UBE2O: variants seen among roughly 807,000 people sequenced by gnomAD.
UBE2O encodes ubiquitin conjugating enzyme E2 O, also known as (E3-independent) E2 ubiquitin-conjugating enzyme.
In UBE2O, 15 loss-of-function variants were observed where a neutral mutation model predicts 125.8. The ratio of observed to expected loss-of-function variants is 0.12; its 90% confidence interval spans 0.08 to 0.18. UBE2O has a LOEUF of 0.18. Ranked by LOEUF, UBE2O falls within the 10% of genes least tolerant of loss-of-function variation. The pLI is 1.00. For synonymous variants in UBE2O, 708 were observed against 703.2 expected, an observed-to-expected ratio of 1.01 and a Z score of -0.11; for missense variants, 1,280 against 1,723.6, an observed-to-expected ratio of 0.74 and a Z score of 4.56.
chr17:76,392,244 G>A, intron 15 of UBE2O, 131 bp from the exon 16 acceptor site: 1 of 556,576 alleles, frequency 1.8e-6, no homozygotes, highest in Non-Finnish European at 3.0e-6. Flanking sequence ...GCAGCACCTG[G>A]GACTCCAGAT....
At position 76,390,771 on chromosome 17, in the gene UBE2O, A is replaced by T. The variant is rs2072093864; in HGVS notation, c.*172T>A. 3.5e-6 allele frequency: 2 copies of T among 571,184 alleles called. No homozygotes were observed. The highest frequency in any genetic ancestry group is 5.7e-6 in the Non-Finnish European group (2 of 347,914). The allele number at this position is 571,184 out of a possible 1,614,324, so 35.4% of individuals were successfully genotyped here. On this transcript the variant is annotated 3_prime_UTR_variant, in exon 18 of 18. Transcript: ENST00000319380. ...AAGCTCGCTTCAAAATAGAAACGGC[A>T]GCATCTCAACACACTTCTTGCACTT...
Position 76,453,005 on chromosome 17 carries a change from G to C in UBE2O, c.137C>G (p.Pro46Arg). 3 of 1,478,468 alleles carry C rather than the reference G, an allele frequency of 2.0e-6. No homozygotes were observed. Among genetic ancestry groups the C allele is most frequent in the Non-Finnish European group, 1.8e-6 (2 of 1,114,374 alleles). 91.6% of individuals were successfully genotyped at this position (1,478,468 alleles called of 1,614,324 possible). A position where few individuals can be genotyped will look rare whatever the true frequency, so the allele number is the denominator to read the frequency against. The change falls in exon 1 of 18, where the codon CCG becomes CGG. Residue 46 changes from proline to arginine, a missense_variant. Around this residue, in one of 10 missense-constraint regions of UBE2O, gnomAD observed 188 missense variants for 192.5 expected, o/e 0.98. Transcript: ENST00000319380. Reference protein sequence around the residue: ...PAPASDSASGPSSDSGPEAGS... With the variant: ...PAPASDSASGRSSDSGPEAGS... ...GGCTTCTGGGCCGGAGTCCGAGGAC[G>C]GCCCGGAGGCCGAGTCCGAGGCGGG... is the stretch of plus-strand genomic sequence containing the variant.
At chr17:76,412,377 G>A (rs936927342) in intron 1 of UBE2O, among the ~76,000 whole-genome samples, 19 of 152,134 alleles carry the variant, frequency 1.2e-4, no homozygotes, top group Non-Finnish European at 2.1e-4. Context: ...TCTGAGAAAC[G>A]CCACTCCTCC....
intron 1 of UBE2O, among the ~76,000 whole-genome samples, chr17:76,425,011 C>T (rs1409700443): frequency 6.6e-6 from 1 of 151,424 alleles, no homozygotes; most frequent in Non-Finnish European, 1.5e-5. Context: ...GCTGGGACTA[C>T]AGGCACCCGC....
Position 76,419,123 on chromosome 17 carries a change from A to ATT in UBE2O, c.418-13553_418-13552dup, listed in dbSNP as rs10647924. Among the ~76,000 whole-genome samples the ATT allele has an allele frequency of 7.0e-3, 1,021 of 145,494 alleles. 6 individuals are homozygous for ATT. The highest frequency in any genetic ancestry group is 8.5e-3 in the African/African-American group (333 of 39,384). On this transcript the variant is annotated intron_variant, in intron 1 of 17. Transcript: ENST00000319380. ...ACCTAGTGAGACCCTATCTCTACAG[A>ATT]TTTTTTTTTTTTAAATTAGGCCTGG...
intron 1 of UBE2O, among the ~76,000 whole-genome samples, chr17:76,413,566 G>C (rs1323947757): frequency 4.6e-5 from 7 of 152,140 alleles, no homozygotes; most frequent in Non-Finnish European, 8.8e-5. Flanking sequence ...TATATAACAC[G>C]TATGTGTCCC....
At chr17:76,428,073 G>A (rs1031789821) in intron 1 of UBE2O, among the ~76,000 whole-genome samples, 1 of 152,182 alleles carries the variant, frequency 6.6e-6, no homozygotes, top group Non-Finnish European at 1.5e-5. Context: ...CATTTTAAGT[G>A]ATTGTAATGG....
Position 76,395,484 on chromosome 17 carries a change from G to A in UBE2O, c.2946+241C>T, listed in dbSNP as rs796072366. ...TGGGATTACGGGTGTGAGCCACTGC[G>A]CCCGGCCGAGAAAGTAATTTTTTAA... On this transcript the variant is annotated intron_variant, in intron 15 of 17. Transcript: ENST00000319380. This position sits in a 1 kb window ranked among gnomAD's most constrained non-coding sequence, Gnocchi z 5.0. 2 of 437,752 alleles carry A rather than the reference G, an allele frequency of 4.6e-6. No homozygotes were observed. Among genetic ancestry groups the A allele is most frequent in the Non-Finnish European group, 8.1e-6 (2 of 247,080 alleles). The allele number at this position is 437,752 out of a possible 1,614,324, so 27.1% of individuals were successfully genotyped here.
chr17:76,416,010 T>C (rs972860700), intron 1 of UBE2O, among the ~76,000 whole-genome samples: 3 of 150,414 alleles, frequency 2.0e-5, no homozygotes, highest in Non-Finnish European at 4.5e-5. Context: ...TACGTATGTG[T>C]ATACATATGT....
chr17:76,432,498 G>A (rs1290726933), intron 1 of UBE2O, among the ~76,000 whole-genome samples: 1 of 152,150 alleles, frequency 6.6e-6, no homozygotes, highest in African/African-American at 2.4e-5. Flanking sequence ...TAGGATGCTT[G>A]TGGAGCCCCA....
Position 76,390,951 on chromosome 17 carries a change from C to T in UBE2O, c.3871G>A (p.Asp1291Asn). 1 of 1,604,654 alleles carries T rather than the reference C, an allele frequency of 6.2e-7. No homozygotes were observed. Among genetic ancestry groups the T allele is most frequent in the South Asian group, 1.1e-5 (1 of 89,608 alleles). ...TCCTCTGTGCCTGGCAGCTACTTGTCCTCTGTGCACTCCGGCATGCCTGCC... is the reference window on the plus strand; with the variant it reads ...TCCTCTGTGCCTGGCAGCTACTTGTTCTCTGTGCACTCCGGCATGCCTGCC... ...LEAGMPECTEDK is the reference protein window; with the variant it reads ...LEAGMPECTENK The change falls in exon 18 of 18, where the codon GAC becomes AAC. Residue 1291 changes from aspartate (D) to asparagine (N), a missense_variant. This residue lies in a region of UBE2O where 233 missense variants were observed against 279.0 expected (regional missense o/e 0.84). Transcript: ENST00000319380.
intron 5 of UBE2O, 151 bp from the exon 6 acceptor site, chr17:76,401,305 A>G: frequency 1.1e-6 from 1 of 917,786 alleles, no homozygotes; most frequent in South Asian, 1.8e-5. Flanking sequence ...GTGGCTCCAC[A>G]TCAGCACTTC....
chr17:76,390,876 CGG>C lies in UBE2O; in HGVS notation c.*65_*66del, dbSNP rs1177529104. On this transcript the variant is annotated 3_prime_UTR_variant, in exon 18 of 18. Transcript: ENST00000319380. ...AGGGGCATGGGAAGAGGGGTGATTC[CGG>C]GGGGGAGTGAGCAGGCGGCGGCTGG... 2.0e-6 allele frequency: 3 copies of C among 1,486,292 alleles called. No homozygotes were observed. The highest frequency in any genetic ancestry group is 2.7e-6 in the Non-Finnish European group (3 of 1,106,554). The allele number at this position is 1,486,292 out of a possible 1,614,324, so 92.1% of individuals were successfully genotyped here. A position where few individuals can be genotyped will look rare whatever the true frequency, so the allele number is the denominator to read the frequency against.
At chr17:76,433,035 T>C (rs1165722664) in intron 1 of UBE2O, among the ~76,000 whole-genome samples, 1 of 152,122 alleles carries the variant, frequency 6.6e-6, no homozygotes, top group Non-Finnish European at 1.5e-5. Flanking sequence ...TTGCTCAAAA[T>C]GCTAAACATA....
At position 76,398,033 on chromosome 17, in the gene UBE2O, C is replaced by T. The variant is rs2072247113; in HGVS notation, c.2026-145G>A. On this transcript the variant is annotated intron_variant, in intron 12 of 17. Coordinates refer to ENST00000319380, the MANE Select transcript of UBE2O (RefSeq NM_022066.4). This position sits in a 1 kb window ranked among gnomAD's most constrained non-coding sequence, Gnocchi z 5.4. ...CTCTGGTAAATGTAACCAGCGGCAG[C>T]TCAAGAAGCCTGACCCCAGAAGGGA... The T allele has an allele frequency of 7.8e-6, 8 of 1,029,648 alleles. No homozygotes were observed. The highest frequency in any genetic ancestry group is 2.3e-5 in the Admixed American group (1 of 43,358). 63.8% of individuals were successfully genotyped at this position (1,029,648 alleles called of 1,614,324 possible). A position where few individuals can be genotyped will look rare whatever the true frequency, so the allele number is the denominator to read the frequency against.
chr17:76,442,710 G>A (rs1426977549), intron 1 of UBE2O, among the ~76,000 whole-genome samples: 1 of 152,082 alleles, frequency 6.6e-6, no homozygotes, highest in East Asian at 1.9e-4. Context: ...TAGGTGAGGG[G>A]CCCTGAATGA....
chr17:76,419,418 T>C (rs899705788), intron 1 of UBE2O, among the ~76,000 whole-genome samples: 7 of 147,838 alleles, frequency 4.7e-5, no homozygotes, highest in African/African-American at 1.3e-4. Flanking sequence ...AAGAAAAAAA[T>C]AGAAAAAACA....
At position 76,401,002 on chromosome 17, in the gene UBE2O, C is replaced by T. The variant is rs770092470; in HGVS notation, c.894+9G>A. 1.4e-5 allele frequency: 23 copies of T among 1,613,412 alleles called. No homozygotes were observed. Among genetic ancestry groups the T allele is most frequent in the East Asian group, 6.7e-5 (3 of 44,902 alleles). On this transcript the variant is annotated intron_variant, in intron 6 of 17. Coordinates refer to ENST00000319380, the MANE Select transcript of UBE2O (RefSeq NM_022066.4). ...GGACTCCATCTCCTACCCTTGGGCC[C>T]GGACCCACCTCTTCCACCACCACTC...
At chr17:76,418,349 T>G in intron 1 of UBE2O, among the ~76,000 whole-genome samples, 1 of 152,226 alleles carries the variant, frequency 6.6e-6, no homozygotes. Context: ...TAAACTGTAC[T>G]TGGACTATAG....
Sources: gnomAD v4.1 joint callset for allele counts (sites outside exome capture counted in the v4.1 genomes callset) on GRCh38, gnomAD v4.1.1 for gene constraint, gnomAD v4.1.1 regional missense constraint, Gnocchi (gnomAD v3.1) non-coding constraint, MANE v1.5 for transcripts, NCBI Gene and HGNC (gene_info 2026-07-23, HGNC 2026-07-21) for gene names.